Variants in STK39 observed in about 807,000 individuals in gnomAD.
The protein encoded by STK39 is serine/threonine kinase 39.
Under a neutral mutation model 77.8 loss-of-function variants are expected in STK39, and 20 were observed. That is an observed-to-expected ratio of 0.26 (90% confidence interval 0.18 to 0.37). The LOEUF is 0.37. Among genes scored for constraint, STK39 ranks in the 10% least tolerant of loss-of-function variants. The pLI is 1.00. For missense variants in STK39, 479 were observed against 656.5 expected, an observed-to-expected ratio of 0.73 and a Z score of 2.95; for synonymous variants, 246 against 234.1, an observed-to-expected ratio of 1.05 and a Z score of -0.47.
intron 14 of STK39, among the ~76,000 whole-genome samples, chr2:168,044,129 G>T (rs1318829415): frequency 6.6e-6 from 1 of 152,058 alleles, no homozygotes; most frequent in Non-Finnish European, 1.5e-5. Context: ...TCATGAAGTA[G>T]GCAGCAGCAC....
intron 1 of STK39, among the ~76,000 whole-genome samples, chr2:168,209,577 G>C (rs748712889): frequency 1.3e-5 from 2 of 152,174 alleles, no homozygotes; most frequent in African/African-American, 4.8e-5. Context: ...TTACTCGGTT[G>C]GCTGGGGCAG....
intron 1 of STK39, among the ~76,000 whole-genome samples, chr2:168,215,723 C>G (rs778133428): frequency 6.6e-6 from 1 of 152,106 alleles, no homozygotes; most frequent in Non-Finnish European, 1.5e-5. Flanking sequence ...GGAACAGCAG[C>G]TGGAAATAAT....
At chr2:168,054,508 T>C (rs1028049391) in intron 14 of STK39, among the ~76,000 whole-genome samples, 2 of 152,194 alleles carry the variant, frequency 1.3e-5, no homozygotes, top group Non-Finnish European at 2.9e-5. Context: ...AGCCAAGATA[T>C]GCATCAGGGA....
intron 10 of STK39, among the ~76,000 whole-genome samples, chr2:168,102,567 C>T (rs1349135420): frequency 1.3e-5 from 2 of 152,172 alleles, no homozygotes; most frequent in African/African-American, 4.8e-5. Context: ...TCTGAGAAGG[C>T]TGTACAAGCC....
intron 16 of STK39, among the ~76,000 whole-genome samples, chr2:167,967,378 A>G (rs940083494): frequency 5.9e-5 from 9 of 152,132 alleles, no homozygotes; most frequent in Non-Finnish European, 8.8e-5. Flanking sequence ...CCCTGTCACT[A>G]GGGCTTTACC....
intron 16 of STK39, among the ~76,000 whole-genome samples, chr2:167,977,132 G>A (rs981044138): frequency 3.9e-5 from 6 of 152,160 alleles, no homozygotes; most frequent in African/African-American, 1.2e-4. Flanking sequence ...TTTGGTCCTA[G>A]TGCAAATGTC....
At position 168,147,801 on chromosome 2, in the gene STK39, C is replaced by A. The variant is rs866366666; in HGVS notation, c.629-7043G>T. Among the ~76,000 whole-genome samples the A allele has an allele frequency of 5.3e-5, 8 of 152,212 alleles. 2 individuals carry two copies. In the Middle Eastern group the frequency reaches 0.014, roughly 259 times the overall value. On this transcript the variant is annotated intron_variant, in intron 5 of 17. Transcript: ENST00000355999. The stretch of plus-strand genomic sequence containing the variant: ...ATACTACACTCAGCACTAAAAGCAC[C>A]ATCTTCTGCTGCTAATTCCCAGGGC...
At chr2:168,035,952 G>T (rs1684941384) in intron 14 of STK39, among the ~76,000 whole-genome samples, 1 of 152,136 alleles carries the variant, frequency 6.6e-6, no homozygotes, top group African/African-American at 2.4e-5. Context: ...AAAGCAAGCA[G>T]TAAGAGAACC....
At chr2:168,027,189 C>A (rs985221593) in intron 14 of STK39, among the ~76,000 whole-genome samples, 1 of 152,106 alleles carries the variant, frequency 6.6e-6, no homozygotes, top group African/African-American at 2.4e-5. Context: ...AGCACTGTGG[C>A]CCACAGCCTT....
At chr2:168,064,722 C>T (rs983242986) in intron 13 of STK39, among the ~76,000 whole-genome samples, 1 of 152,192 alleles carries the variant, frequency 6.6e-6, no homozygotes, top group Non-Finnish European at 1.5e-5. Flanking sequence ...AACAAAAGGG[C>T]TTGCCTGTTA....
intron 5 of STK39, among the ~76,000 whole-genome samples, chr2:168,142,697 G>A (rs1203663766): frequency 1.3e-5 from 2 of 152,120 alleles, no homozygotes; most frequent in Non-Finnish European, 2.9e-5. Context: ...CATACATTCA[G>A]AGCCTCCACT....
At chr2:167,979,734 T>C (rs1396004879) in intron 16 of STK39, among the ~76,000 whole-genome samples, 5 of 152,238 alleles carry the variant, frequency 3.3e-5, no homozygotes, top group African/African-American at 9.6e-5. Flanking sequence ...TAGAGCTTTT[T>C]GTACAGTTCA....
At chr2:167,996,723 G>A (rs1305895185) in intron 16 of STK39, among the ~76,000 whole-genome samples, 1 of 152,178 alleles carries the variant, frequency 6.6e-6, no homozygotes, top group Admixed American at 6.5e-5. Flanking sequence ...TTTACTTGAG[G>A]TAGTGTAGAC....
rs879468225 is a variant in STK39, at chr2:168,200,672, G to A, written c.209-18582C>T. Among the ~76,000 whole-genome samples, 3 of 125,452 alleles carry A rather than the reference G, an allele frequency of 2.4e-5. No individual in the cohort carries two copies. The Admixed American group carries it at 2.7e-4, about 11-fold the overall frequency. The allele number at this position is 125,452 out of a possible 152,430, so 82.3% of individuals were successfully genotyped here. The stretch of plus-strand genomic sequence containing the variant: ...AGCCCGGAAAACAGAGCAAGACTCT[G>A]TCTCAAAACATAAAAATAAAATAAA... On this transcript the variant is annotated intron_variant, in intron 1 of 17. Transcript: ENST00000355999.
chr2:168,106,360 C>T (rs963505437), intron 10 of STK39, among the ~76,000 whole-genome samples: 8 of 152,180 alleles, frequency 5.3e-5, no homozygotes, highest in Non-Finnish European at 1.2e-4. Context: ...GCACTTGGCG[C>T]AATCTTTGAC....
chr2:167,972,918 G>A (rs1463274207), intron 16 of STK39, among the ~76,000 whole-genome samples: 1 of 151,976 alleles, frequency 6.6e-6, no homozygotes, highest in Admixed American at 6.6e-5. Context: ...CTTAATTTTT[G>A]GGCAGCTGTT....
At chr2:168,066,922 T>C (rs542248362) in intron 12 of STK39, among the ~76,000 whole-genome samples, 34 of 152,332 alleles carry the variant, frequency 2.2e-4, no homozygotes, top group African/African-American at 8.2e-4. Context: ...AAATCTCATG[T>C]TGAAATGTAA....
At chr2:168,150,792 C>A in intron 5 of STK39, among the ~76,000 whole-genome samples, 1 of 152,014 alleles carries the variant, frequency 6.6e-6, no homozygotes, top group Admixed American at 6.5e-5. Flanking sequence ...TATGTTGGCA[C>A]TTTACTATTA....
chr2:168,160,544 G>A (rs1233839545), intron 5 of STK39, among the ~76,000 whole-genome samples: 1 of 152,130 alleles, frequency 6.6e-6, no homozygotes, highest in African/African-American at 2.4e-5. Flanking sequence ...TTATGTGTTG[G>A]CCACTGTTAA....
Sources: gnomAD v4.1 joint callset for allele counts (sites outside exome capture counted in the v4.1 genomes callset) on GRCh38, gnomAD v4.1.1 for gene constraint, MANE v1.5 for transcripts, NCBI Gene and HGNC (gene_info 2026-07-23, HGNC 2026-07-21) for gene names.